The following CHRM3 variants were observed in gnomAD, a reference collection of about 807,000 sequenced individuals.
CHRM3 encodes muscarinic acetylcholine receptor M3.
Under a neutral mutation model 41.8 loss-of-function variants are expected in CHRM3, and 11 were observed. The observed-to-expected ratio is 0.26, with a 90% CI of 0.17 to 0.44. CHRM3 has a LOEUF of 0.44. CHRM3 is among the 20% of genes least tolerant of loss of function. The probability of loss-of-function intolerance (pLI) is 1.00; values close to 1 mark genes in which losing one functional copy is unlikely to be tolerated. For missense variants in CHRM3, 571 were observed against 745.4 expected (o/e 0.77, Z 2.72); for synonymous variants, 297 against 301.4 (o/e 0.99, Z 0.15).
chr1:239,422,010 A>C (rs145063707), intron 1 of CHRM3, among the ~76,000 whole-genome samples: 1 of 152,356 alleles, frequency 6.6e-6, no homozygotes, highest in East Asian at 1.9e-4. Flanking sequence ...TAAAGCTATA[A>C]CACAGATAAC....
intron 3 of CHRM3, among the ~76,000 whole-genome samples, chr1:239,551,415 A>G (rs12123624): frequency 0.84 from 126,417 of 150,790 alleles, 54,772 homozygotes; most frequent in Non-Finnish European, 0.93. Flanking sequence ...ACCCACCTCA[A>G]CCTCCCAAAG....
chr1:239,808,232 G>A (rs1670818275), intron 5 of CHRM3, among the ~76,000 whole-genome samples: 1 of 152,166 alleles, frequency 6.6e-6, no homozygotes, highest in Non-Finnish European at 1.5e-5. Context: ...GCTGAAGTCA[G>A]ATGTGCAGAA....
At position 239,909,104 on chromosome 1, in the gene CHRM3, C is replaced by G; in HGVS notation, c.1653C>G (p.Phe551Leu). 1 of 1,614,134 alleles carries G rather than the reference C, an allele frequency of 6.2e-7. No homozygotes were observed. Among genetic ancestry groups the G allele is most frequent in the Non-Finnish European group, 8.5e-7 (1 of 1,180,042 alleles). The change falls in exon 7 of 7, where the codon TTC becomes TTG. Residue 551 changes from phenylalanine to leucine, a missense_variant. This residue lies in a region of CHRM3 where 43 missense variants were observed against 93.7 expected (regional missense o/e 0.46). Transcript: ENST00000676153. ...GCTATGCTCTGTGCAACAAAACATT[C>G]AGAACCACTTTCAAGATGCTGCTGC... ...PVCYALCNKT[F>L]RTTFKMLLLC...
intron 5 of CHRM3, among the ~76,000 whole-genome samples, chr1:239,777,343 C>A (rs1668169966): frequency 6.6e-6 from 1 of 152,138 alleles, no homozygotes; most frequent in South Asian, 2.1e-4. Context: ...GGGAGGTTCT[C>A]AAGGAACTGT....
intron 5 of CHRM3, among the ~76,000 whole-genome samples, chr1:239,799,014 C>T (rs1464196428): frequency 2.6e-5 from 4 of 152,144 alleles, no homozygotes; most frequent in East Asian, 1.9e-4. Flanking sequence ...AACTGGACCT[C>T]GGGAAGTAGC....
intron 5 of CHRM3, chr1:239,720,290 A>T (rs1662832833): frequency 6.6e-6 from 1 of 151,996 alleles, no homozygotes; most frequent in African/African-American, 2.4e-5. Context: ...TTTCTAAAAC[A>T]AAAAACTTTG....
chr1:239,433,375 G>A (rs935615581), intron 1 of CHRM3, among the ~76,000 whole-genome samples: 1 of 152,124 alleles, frequency 6.6e-6, no homozygotes, highest in African/African-American at 2.4e-5. Context: ...GCCATGCCAC[G>A]ACTGTCTCCT....
intron 5 of CHRM3, among the ~76,000 whole-genome samples, chr1:239,760,592 CT>C (rs1175863439): frequency 6.6e-6 from 1 of 151,892 alleles, no homozygotes; most frequent in Non-Finnish European, 1.5e-5. Flanking sequence ...CTCCTCTTCT[CT>C]TTTTTTTACT....
intron 5 of CHRM3, among the ~76,000 whole-genome samples, chr1:239,767,555 A>G (rs1271246580): frequency 6.6e-6 from 1 of 152,358 alleles, no homozygotes; most frequent in East Asian, 1.9e-4. Context: ...TAGAATCAAT[A>G]TGGTTAACAA....
rs184234021 is a variant in CHRM3 at position 239,734,502 on chromosome 1, G to A, written c.-147+56214G>A. Reference sequence around the variant, plus strand: ...GGGGCAGAGCACAACCCAACATTCTGAAAACTGTCAAATAAAAGAATCAAG... The same window carrying A: ...GGGGCAGAGCACAACCCAACATTCTAAAAACTGTCAAATAAAAGAATCAAG... On this transcript the variant is annotated intron_variant, in intron 5 of 6. Coordinates refer to ENST00000676153, the MANE Select transcript of CHRM3 (RefSeq NM_001375978.1). Among the ~76,000 whole-genome samples the A allele has an allele frequency of 5.2e-4, 79 of 152,186 alleles. 1 individual carries two copies. Among genetic ancestry groups the A allele is most frequent in the Non-Finnish European group, 8.1e-4 (55 of 67,982 alleles).
At chr1:239,508,845 G>T (rs535915263) in intron 2 of CHRM3, among the ~76,000 whole-genome samples, 1 of 152,044 alleles carries the variant, frequency 6.6e-6, no homozygotes, top group Non-Finnish European at 1.5e-5. Flanking sequence ...GTCTCTTTAC[G>T]TATTCTTTAA....
intron 5 of CHRM3, among the ~76,000 whole-genome samples, chr1:239,726,505 A>G (rs1663452132): frequency 6.6e-6 from 1 of 151,970 alleles, no homozygotes; most frequent in South Asian, 2.1e-4. Flanking sequence ...TTTAAGCATA[A>G]CATATTAAAG....
At chr1:239,551,877 A>G (rs1436678823) in intron 3 of CHRM3, among the ~76,000 whole-genome samples, 1 of 152,102 alleles carries the variant, frequency 6.6e-6, no homozygotes, top group African/African-American at 2.4e-5. Context: ...AAGAGAAGAA[A>G]ATAGGTGATA....
intron 4 of CHRM3, among the ~76,000 whole-genome samples, chr1:239,642,801 G>T (rs1316705073): frequency 1.3e-5 from 2 of 152,144 alleles, no homozygotes; most frequent in African/African-American, 2.4e-5. Context: ...TTGTTCCATT[G>T]CTGGTGAGGA....
At chr1:239,618,651 T>C (rs79281284) in intron 3 of CHRM3, among the ~76,000 whole-genome samples, 30,799 of 151,062 alleles carry the variant, frequency 0.2, 3,917 homozygotes, top group Admixed American at 0.29. Flanking sequence ...GAGACCATCC[T>C]GGCTAACACG....
chr1:239,693,978 T>C (rs1018901997), intron 5 of CHRM3, among the ~76,000 whole-genome samples: 1 of 152,178 alleles, frequency 6.6e-6, no homozygotes, highest in Non-Finnish European at 1.5e-5. Flanking sequence ...TTCAGAAAGA[T>C]GATTTCCAAT....
At chr1:239,414,402 G>C (rs1661338970) in intron 1 of CHRM3, among the ~76,000 whole-genome samples, 1 of 152,150 alleles carries the variant, frequency 6.6e-6, no homozygotes, top group African/African-American at 2.4e-5. Context: ...TATTCATTTA[G>C]GTTGTGTCTA....
chr1:239,540,747 A>G (rs1237505962), intron 2 of CHRM3, among the ~76,000 whole-genome samples: 8 of 152,116 alleles, frequency 5.3e-5, no homozygotes, highest in African/African-American at 1.9e-4. Context: ...GCCATTTTAT[A>G]TTCTGTATTT....
intron 2 of CHRM3, among the ~76,000 whole-genome samples, chr1:239,512,582 A>ATTCC (rs1668995274): frequency 6.6e-6 from 1 of 151,016 alleles, no homozygotes; most frequent in South Asian, 2.1e-4. Context: ...TTTTTACTTC[A>ATTCC]TTCCTTCCTT....
Sources: gnomAD v4.1 joint callset for allele counts (sites outside exome capture counted in the v4.1 genomes callset) on GRCh38, gnomAD v4.1.1 for gene constraint, gnomAD v4.1.1 regional missense constraint, MANE v1.5 for transcripts, NCBI Gene and HGNC (gene_info 2026-07-23, HGNC 2026-07-21) for gene names.